Variants in ADARB2 observed in about 807,000 individuals in gnomAD.
ADARB2 encodes the protein adenosine deaminase RNA specific B2 (inactive), also known as inactive double-stranded RNA-specific editase B2.
A neutral mutation model predicts 62.2 loss-of-function variants in ADARB2; 25 were observed. The ratio of observed to expected loss-of-function variants is 0.40; its 90% CI spans 0.29 to 0.56. The LOEUF is 0.56. Ranked by LOEUF, ADARB2 falls within the 20% of genes least tolerant of loss-of-function variation. The pLI is 0.43. For synonymous variants in ADARB2, 572 were observed against 500.8 expected, an observed-to-expected ratio of 1.14 and a Z score of -1.90; for missense variants, 1,071 against 1,077.4, an observed-to-expected ratio of 0.99 and a Z score of 0.08.
At chr10:1,340,130 C>T in intron 3 of ADARB2, among the ~76,000 whole-genome samples, 1 of 149,478 alleles carries the variant, frequency 6.7e-6, no homozygotes, top group Non-Finnish European at 1.5e-5. Flanking sequence ...GAACCACGCG[C>T]CCCACAGTGG....
At chr10:1,720,440 A>G (rs992710069) in intron 1 of ADARB2, among the ~76,000 whole-genome samples, 1 of 152,172 alleles carries the variant, frequency 6.6e-6, no homozygotes, top group African/African-American at 2.4e-5. Flanking sequence ...GGCTGAGAAG[A>G]TCCTATACCA....
At chr10:1,353,151 T>C (rs1282728001) in intron 3 of ADARB2, among the ~76,000 whole-genome samples, 1 of 152,202 alleles carries the variant, frequency 6.6e-6, no homozygotes, top group Non-Finnish European at 1.5e-5. Context: ...GGCCCCCGCC[T>C]AGGACTGGCA....
chr10:1,282,781 T>C (rs1474902948), intron 3 of ADARB2, among the ~76,000 whole-genome samples: 1 of 152,212 alleles, frequency 6.6e-6, no homozygotes, highest in Non-Finnish European at 1.5e-5. Context: ...TGCAAGGGGT[T>C]CATTTCATCT....
intron 3 of ADARB2, among the ~76,000 whole-genome samples, chr10:1,316,774 T>C (rs1831743668): frequency 1.3e-5 from 2 of 152,216 alleles, no homozygotes; most frequent in Non-Finnish European, 2.9e-5. Context: ...GAAAATGCCA[T>C]TTGGCTAAAA....
chr10:1,201,707 T>C (rs766353049), intron 7 of ADARB2, among the ~76,000 whole-genome samples: 2 of 151,738 alleles, frequency 1.3e-5, no homozygotes, highest in African/African-American at 2.4e-5. Context: ...ACACAGCGCC[T>C]GTCACCGAGG....
intron 8 of ADARB2, among the ~76,000 whole-genome samples, chr10:1,193,689 C>G (rs575676570): frequency 2.0e-5 from 3 of 152,310 alleles, no homozygotes; most frequent in Non-Finnish European, 4.4e-5. Flanking sequence ...CGCTGTCTCA[C>G]CTTCGTTTTT....
At chr10:1,446,163 C>T (rs1020169573) in intron 1 of ADARB2, among the ~76,000 whole-genome samples, 1 of 152,224 alleles carries the variant, frequency 6.6e-6, no homozygotes, top group Admixed American at 6.5e-5. Flanking sequence ...TGTTCTTCCA[C>T]TTTCTGGACA....
At chr10:1,196,133 T>C (rs1357589220) in intron 8 of ADARB2, among the ~76,000 whole-genome samples, 1 of 150,428 alleles carries the variant, frequency 6.6e-6, no homozygotes, top group East Asian at 2.0e-4. Context: ...CTCTGCGCAG[T>C]GTCACCGCCA....
chr10:1,672,958 C>T (rs1356829687), intron 1 of ADARB2, among the ~76,000 whole-genome samples: 2 of 152,218 alleles, frequency 1.3e-5, no homozygotes, highest in Non-Finnish European at 2.9e-5. Context: ...TCATCCAGGG[C>T]TTCTCAAATG....
At chr10:1,226,738 C>T (rs910566809) in intron 6 of ADARB2, among the ~76,000 whole-genome samples, 6 of 152,144 alleles carry the variant, frequency 3.9e-5, no homozygotes, top group Admixed American at 1.3e-4. Flanking sequence ...ATTGGTGAAC[C>T]GCAGATGCTT....
At chr10:1,662,058 A>G (rs1472751708) in intron 1 of ADARB2, among the ~76,000 whole-genome samples, 1 of 152,172 alleles carries the variant, frequency 6.6e-6, no homozygotes, top group African/African-American at 2.4e-5. Context: ...TCCACACCCT[A>G]AGCCCGGGAC....
In ADARB2 at chr10:1,465,762, T is replaced by A. The variant is rs145703387; in HGVS notation, c.101-86602A>T. Among the ~76,000 whole-genome samples, 898 of 152,306 alleles carry A rather than the reference T, an allele frequency of 5.9e-3. 9 individuals are homozygous for A. The highest frequency in any genetic ancestry group is 7.2e-3 in the Non-Finnish European group (493 of 68,028). On this transcript the variant is annotated intron_variant, in intron 1 of 9. Transcript: ENST00000381312. ...TGCACCCAGAGGGCCACCCAGAATG[T>A]GCGTACCAGCAACACCTCTCCCACC...
chr10:1,394,982 C>T (rs572780068), intron 1 of ADARB2: 2 of 454,550 alleles, frequency 4.4e-6, no homozygotes, highest in East Asian at 1.4e-4. Flanking sequence ...TGCAGTGGCA[C>T]AATCACAGCT....
At chr10:1,471,915 G>A (rs1198465548) in intron 1 of ADARB2, among the ~76,000 whole-genome samples, 1 of 152,168 alleles carries the variant, frequency 6.6e-6, no homozygotes, top group Non-Finnish European at 1.5e-5. Flanking sequence ...CCTATGAACA[G>A]CGGTCTCTGG....
chr10:1,561,641 G>A (rs1289267105), intron 1 of ADARB2, among the ~76,000 whole-genome samples: 1 of 152,068 alleles, frequency 6.6e-6, no homozygotes. Context: ...TCTCCACCTG[G>A]TCCCCCATGC....
intron 3 of ADARB2, among the ~76,000 whole-genome samples, chr10:1,336,870 A>G (rs1589196358): frequency 6.6e-6 from 1 of 152,092 alleles, no homozygotes; most frequent in African/African-American, 2.4e-5. Flanking sequence ...GGTAACCTTT[A>G]CAGTGCATGT....
chr10:1,657,001 T>TTG (rs58944098), intron 1 of ADARB2, among the ~76,000 whole-genome samples: 65,646 of 148,316 alleles, frequency 0.44, 14,245 homozygotes, highest in South Asian at 0.5. Context: ...ATCTAGTGTT[T>TTG]TGTGTGTGTG....
rs945454882 is a variant in ADARB2 at position 1,362,846 on chromosome 10, G to A, written c.1077+182C>T. Among the ~76,000 whole-genome samples the A allele has an allele frequency of 6.6e-5, 10 of 151,866 alleles. No homozygotes were observed. Among genetic ancestry groups the A allele is most frequent in the African/African-American group, 2.2e-4 (9 of 41,178 alleles). On this transcript the variant is annotated intron_variant, in intron 3 of 9. Coordinates refer to ENST00000381312, the MANE Select transcript of ADARB2 (RefSeq NM_018702.4). ...CAGCCGCATTGTCACCCTCAAAACC[G>A]CCGGCAGCACCTGTTCTCCCATCAA...
chr10:1,535,705 T>G (rs1221722215), intron 1 of ADARB2: 1 of 167,224 alleles, frequency 6.0e-6, no homozygotes, highest in Non-Finnish European at 1.5e-5. Context: ...GAGGGGACTC[T>G]GTCGACATAA....
Sources: gnomAD v4.1 joint callset for allele counts (sites outside exome capture counted in the v4.1 genomes callset) on GRCh38, gnomAD v4.1.1 for gene constraint, MANE v1.5 for transcripts, NCBI Gene and HGNC (gene_info 2026-07-23, HGNC 2026-07-21) for gene names.